Variants in CNTNAP3 observed in about 807,000 individuals in gnomAD.
CNTNAP3 encodes contactin associated protein family member 3.
In CNTNAP3, 36 loss-of-function variants were observed where a neutral mutation model predicts 92.1. The observed-to-expected ratio is 0.39, with a 90% CI of 0.30 to 0.52. CNTNAP3 has a LOEUF of 0.52. Ranked by LOEUF, CNTNAP3 falls within the 20% of genes least tolerant of loss-of-function variation. The pLI is 0.76. For synonymous variants in CNTNAP3, 232 were observed against 422.3 expected (o/e 0.55, Z 5.53); for missense variants, 534 against 1,069.6 (o/e 0.50, Z 6.98).
chr9:39,286,531 AGTAG>A lies in CNTNAP3; in HGVS notation c.85+1445_85+1448del, dbSNP rs1430196346. On this transcript the variant is annotated intron_variant, in intron 1 of 23. Coordinates refer to ENST00000297668, the MANE Select transcript of CNTNAP3 (RefSeq NM_033655.5). The stretch of plus-strand genomic sequence containing the variant: ...AATTACTCTAGCATGCCTTTCTATA[AGTAG>A]CTCATTTATATGTTTGTTTAAGCCA... Among the ~76,000 whole-genome samples the A allele has an allele frequency of 1.9e-3, 58 of 30,038 alleles. 23 individuals are homozygous for A. Among genetic ancestry groups the A allele is most frequent in the African/African-American group, 3.6e-3 (56 of 15,474 alleles). 19.7% of individuals were successfully genotyped at this position (30,038 alleles called of 152,430 possible).
intron 11 of CNTNAP3, among the ~76,000 whole-genome samples, chr9:39,142,815 C>G (rs1399296340): frequency 6.6e-6 from 1 of 152,138 alleles, no homozygotes; most frequent in African/African-American, 2.4e-5. Flanking sequence ...AACCTCAGGA[C>G]TGGGAGCGCA....
chr9:39,082,609 T>C (rs1459588179), intron 21 of CNTNAP3, among the ~76,000 whole-genome samples: 1 of 152,296 alleles, frequency 6.6e-6, no homozygotes. Flanking sequence ...TGCAAGATGC[T>C]GACAGCACTT....
chr9:39,112,424 G>A (rs1826770684), intron 14 of CNTNAP3, among the ~76,000 whole-genome samples: 2 of 152,030 alleles, frequency 1.3e-5, no homozygotes, highest in African/African-American at 4.8e-5. Context: ...GGAGTGCAAT[G>A]GTGTGATCTC....
Position 39,086,732 on chromosome 9 carries a change from G to A in CNTNAP3, c.3338C>T (p.Ala1113Val). The change falls in exon 20 of 24, where the codon GCT (alanine) becomes GTT (valine). Residue 1113 changes from alanine (A) to valine (V), a missense_variant. By Grantham distance (64) the Ala-to-Val change is moderately conservative. Coordinates refer to ENST00000297668, the MANE Select transcript of CNTNAP3 (RefSeq NM_033655.5). ...LHQVKINREE[A>V]VVMVEVNQST... Reference sequence around the variant, plus strand: ...TGGGATTACCTCTACCATGACCACAGCTTCTTCTCTGTTAATCTTCACTTG... The same window carrying A: ...TGGGATTACCTCTACCATGACCACAACTTCTTCTCTGTTAATCTTCACTTG... 1 of 1,610,826 alleles carries A rather than the reference G, an allele frequency of 6.2e-7. No homozygotes were observed. The highest frequency in any genetic ancestry group is 8.5e-7 in the Non-Finnish European group (1 of 1,179,606).
At chr9:39,149,044 T>A (rs1157854773) in intron 10 of CNTNAP3, among the ~76,000 whole-genome samples, 1 of 151,874 alleles carries the variant, frequency 6.6e-6, no homozygotes, top group Non-Finnish European at 1.5e-5. Flanking sequence ...AACCTCCATA[T>A]TTCATTATGT....
At chr9:39,138,094 G>A (rs1181967507) in intron 12 of CNTNAP3, among the ~76,000 whole-genome samples, 1 of 151,690 alleles carries the variant, frequency 6.6e-6, no homozygotes, top group Admixed American at 6.6e-5. Flanking sequence ...GTCTCACTGT[G>A]TTGCCCAGAC....
chr9:39,159,655 G>A (rs1184670405), intron 9 of CNTNAP3: 2 of 139,790 alleles, frequency 1.4e-5, no homozygotes, highest in Non-Finnish European at 3.0e-5. Context: ...TAGATAGATA[G>A]ATAGATAGAT....
rs1374916386 is a variant in CNTNAP3 at position 39,068,106 on chromosome 9, A to T, written c.*5784T>A. On this transcript the variant is annotated 3_prime_UTR_variant, in exon 24 of 24. Transcript: ENST00000297668. ...AAGAGATATGCAGTGCATGTGCGAT[A>T]TTAAAATTTCAGGGCGGGCGCAGTG... Among the ~76,000 whole-genome samples, 2 of 152,306 alleles carry T rather than the reference A, an allele frequency of 1.3e-5. No individual in the cohort carries two copies. Among genetic ancestry groups the T allele is most frequent in the Non-Finnish European group, 2.9e-5 (2 of 68,054 alleles).
chr9:39,066,229 C>T lies in CNTNAP3; in HGVS notation c.*7661G>A, dbSNP rs941282702. 6.6e-5 allele frequency among the ~76,000 whole-genome samples: 10 copies of T among 152,226 alleles called. No individual in the cohort carries two copies. The highest frequency in any genetic ancestry group is 7.3e-5 in the Non-Finnish European group (5 of 68,040). On this transcript the variant is annotated 3_prime_UTR_variant, in exon 24 of 24. Transcript: ENST00000297668. The stretch of plus-strand genomic sequence containing the variant: ...TAGCCAACTTTTAATAGGCATTATA[C>T]GACTTTACACACAGTCTAAGAACCT...
chr9:39,091,720 A>G (rs867592155), intron 18 of CNTNAP3, among the ~76,000 whole-genome samples: 3 of 151,966 alleles, frequency 2.0e-5, no homozygotes, highest in Non-Finnish European at 3.0e-5. Flanking sequence ...ACCTTACAGA[A>G]TAAGTTGGAA....
chr9:39,129,488 G>T (rs2118028854), intron 13 of CNTNAP3, among the ~76,000 whole-genome samples: 1 of 152,202 alleles, frequency 6.6e-6, no homozygotes, highest in East Asian at 1.9e-4. Flanking sequence ...CCAAAATAGG[G>T]CATGGAATTA....
chr9:39,089,079 C>A (rs890530978), intron 18 of CNTNAP3, among the ~76,000 whole-genome samples: 5 of 152,128 alleles, frequency 3.3e-5, no homozygotes, highest in African/African-American at 4.8e-5. Context: ...AATTCTATGT[C>A]TTTTAGTATA....
chr9:39,168,203 G>T (rs1822206431), intron 8 of CNTNAP3, among the ~76,000 whole-genome samples: 2 of 142,906 alleles, frequency 1.4e-5, no homozygotes, highest in Admixed American at 6.9e-5. Flanking sequence ...ATTTTTAGTA[G>T]AGATGGGGTT....
rs937932184 is a variant in CNTNAP3 at position 39,066,676 on chromosome 9, T to C, written c.*7214A>G. Reference sequence around the variant, plus strand: ...TGCTTTTGGTTGGAAGATGTTTCACTGGAAGCATGAAAGATGTTGCTCCAC... The same window carrying C: ...TGCTTTTGGTTGGAAGATGTTTCACCGGAAGCATGAAAGATGTTGCTCCAC... On this transcript the variant is annotated 3_prime_UTR_variant, in exon 24 of 24. Transcript: ENST00000297668. 1.5e-3 allele frequency among the ~76,000 whole-genome samples: 222 copies of C among 152,348 alleles called. No homozygotes were observed. The highest frequency in any genetic ancestry group is 2.4e-3 in the Non-Finnish European group (166 of 67,988).
intron 18 of CNTNAP3, among the ~76,000 whole-genome samples, chr9:39,095,112 T>C (rs1587704205): frequency 6.6e-6 from 1 of 151,800 alleles, no homozygotes; most frequent in Non-Finnish European, 1.5e-5. Flanking sequence ...AATGGAATTG[T>C]TTCCTTAATC....
At chr9:39,110,606 A>T (rs900028507) in intron 14 of CNTNAP3, among the ~76,000 whole-genome samples, 3 of 152,116 alleles carry the variant, frequency 2.0e-5, no homozygotes, top group African/African-American at 7.2e-5. Context: ...AGAGACCTGG[A>T]GGATCCCCTA....
chr9:39,138,181 A>T (rs1454466471), intron 12 of CNTNAP3, among the ~76,000 whole-genome samples: 1 of 151,926 alleles, frequency 6.6e-6, no homozygotes, highest in Non-Finnish European at 1.5e-5. Flanking sequence ...TCCAGCTGAA[A>T]TTTTTTCTTG....
chr9:39,252,759 G>GT lies in CNTNAP3; in HGVS notation c.197-13574dup, dbSNP rs1428321497. On this transcript the variant is annotated intron_variant, in intron 2 of 23. Coordinates refer to ENST00000297668, the MANE Select transcript of CNTNAP3 (RefSeq NM_033655.5). Reference sequence around the variant, plus strand: ...TACATATATATACTGAAATATATATGTATGTATATACTGACACATATAGTC... The same window carrying GT: ...TACATATATATACTGAAATATATATGTTATGTATATACTGACACATATAGTC... 6.0e-4 allele frequency among the ~76,000 whole-genome samples: 2 copies of GT among 3,322 alleles called. 1 individual carries two copies. Among genetic ancestry groups the GT allele is most frequent in the African/African-American group, 7.1e-4 (2 of 2,798 alleles). 2.2% of individuals were successfully genotyped at this position (3,322 alleles called of 152,430 possible).
In CNTNAP3 at chr9:39,070,379, A is replaced by T. The variant is rs889813856; in HGVS notation, c.*3511T>A. ...CTTGCGACAGCATGGATGGAACTGG[A>T]GGTCATTATGTTAAGTGAAATAGGC... On this transcript the variant is annotated 3_prime_UTR_variant, in exon 24 of 24. Coordinates refer to ENST00000297668, the MANE Select transcript of CNTNAP3 (RefSeq NM_033655.5). Among the ~76,000 whole-genome samples, 1 of 133,840 alleles carries T rather than the reference A, an allele frequency of 7.5e-6. No homozygotes were observed. The highest frequency in any genetic ancestry group is 2.9e-5 in the African/African-American group (1 of 33,926). The allele number at this position is 133,840 out of a possible 152,430, so 87.8% of individuals were successfully genotyped here.
Sources: gnomAD v4.1 joint callset for allele counts (sites outside exome capture counted in the v4.1 genomes callset) on GRCh38, gnomAD v4.1.1 for gene constraint, MANE v1.5 for transcripts, NCBI Gene and HGNC (gene_info 2026-07-23, HGNC 2026-07-21) for gene names.